MAPRE2: variants seen among roughly 807,000 people sequenced by gnomAD.
The protein encoded by MAPRE2 is microtubule-associated protein RP/EB family member 2.
Under a neutral mutation model 43.2 loss-of-function variants are expected in MAPRE2, and 13 were observed. The observed-to-expected ratio is 0.30, with a 90% confidence interval of 0.20 to 0.48. The LOEUF (loss-of-function observed/expected upper bound fraction) is 0.48, where lower values mean the gene tolerates loss of function less well. Among genes scored for constraint, MAPRE2 ranks in the 20% least tolerant of loss-of-function variants. The pLI is 0.99. For synonymous variants in MAPRE2, 135 were observed against 148.8 expected (o/e 0.91, Z 0.68); for missense variants, 161 against 400.2 (o/e 0.40, Z 5.10).
chr18:35,088,223 C>A (rs1448038584), intron 2 of MAPRE2, among the ~76,000 whole-genome samples: 1 of 152,170 alleles, frequency 6.6e-6, no homozygotes, highest in South Asian at 2.1e-4. Flanking sequence ...AAGGCTACTT[C>A]ATGTGGCATA....
At chr18:35,111,899 G>A (rs1173570022) in intron 4 of MAPRE2, among the ~76,000 whole-genome samples, 1 of 152,140 alleles carries the variant, frequency 6.6e-6, no homozygotes, top group African/African-American at 2.4e-5. Flanking sequence ...TGATGGTCTT[G>A]CTATCAAGAT....
chr18:35,094,386 A>G (rs574681291), intron 2 of MAPRE2, among the ~76,000 whole-genome samples: 1 of 152,330 alleles, frequency 6.6e-6, no homozygotes, highest in Admixed American at 6.5e-5. Flanking sequence ...AGGAGGGGAA[A>G]TTATTCTATA....
intron 2 of MAPRE2, among the ~76,000 whole-genome samples, chr18:35,015,842 C>T (rs939819618): frequency 1.3e-5 from 2 of 151,946 alleles, no homozygotes; most frequent in African/African-American, 4.8e-5. Flanking sequence ...TTGGGGTACA[C>T]ATGCAGTTTT....
chr18:34,982,359 T>A (rs1446491276), intron 1 of MAPRE2, among the ~76,000 whole-genome samples: 1 of 152,140 alleles, frequency 6.6e-6, no homozygotes, highest in Non-Finnish European at 1.5e-5. Flanking sequence ...CATAGAAATC[T>A]TAAATACCTA....
Position 35,102,179 on chromosome 18 carries a change from G to T in MAPRE2, c.610+20G>T. On this transcript the variant is annotated intron_variant, in intron 4 of 6. Coordinates refer to ENST00000300249, the MANE Select transcript of MAPRE2 (RefSeq NM_014268.4). ...CAGCAGGTATTGTCACAATGAGATT[G>T]CGGGAGTTGCTTTCATCTTTGATAA... 6.5e-7 allele frequency: 1 copy of T among 1,540,928 alleles called. No individual in the cohort carries two copies. Among genetic ancestry groups the T allele is most frequent in the Non-Finnish European group, 8.7e-7 (1 of 1,143,114 alleles).
chr18:35,059,887 A>T (rs1906433458), intron 1 of MAPRE2, among the ~76,000 whole-genome samples: 1 of 152,236 alleles, frequency 6.6e-6, no homozygotes, highest in Non-Finnish European at 1.5e-5. Context: ...TAGAAAAAGC[A>T]GACACCGAAG....
chr18:35,132,297 T>C (rs973706495), intron 6 of MAPRE2, 107 bp downstream of exon 6: 1 of 1,010,676 alleles, frequency 9.9e-7, no homozygotes, highest in East Asian at 2.6e-5. Flanking sequence ...CAATGAGAAT[T>C]ACTGCTCAGC....
chr18:35,042,774 C>A (rs1193806791), intron 1 of MAPRE2, among the ~76,000 whole-genome samples: 1 of 152,124 alleles, frequency 6.6e-6, no homozygotes, highest in African/African-American at 2.4e-5. Flanking sequence ...GGAAATAACT[C>A]TTTTTTTCCT....
At chr18:35,020,195 T>A (rs1370010129) in intron 2 of MAPRE2, among the ~76,000 whole-genome samples, 1 of 152,096 alleles carries the variant, frequency 6.6e-6, no homozygotes, top group East Asian at 1.9e-4. Flanking sequence ...AACATCAAAC[T>A]ACAGAAGGAA....
Position 35,054,622 on chromosome 18 carries a change from A to G in MAPRE2, c.122+12961A>G, listed in dbSNP as rs368203312. Among the ~76,000 whole-genome samples the G allele has an allele frequency of 7.4e-4, 113 of 152,314 alleles. No individual in the cohort carries two copies. The South Asian group carries it at 0.02, about 27-fold the overall frequency. On this transcript the variant is annotated intron_variant, in intron 1 of 6. Coordinates refer to ENST00000300249, the MANE Select transcript of MAPRE2 (RefSeq NM_014268.4). ...GAGGATGTGCCGTGAACGGAAGCCA[A>G]ATACTAATAGACAGGACATCCTGTG...
intron 1 of MAPRE2, among the ~76,000 whole-genome samples, chr18:34,984,768 T>A (rs1375789885): frequency 7.8e-6 from 1 of 128,976 alleles, no homozygotes; most frequent in Non-Finnish European, 1.6e-5. Context: ...ATACTATATA[T>A]AATAATATAT....
At chr18:35,007,507 A>T (rs1291776515) in intron 2 of MAPRE2, among the ~76,000 whole-genome samples, 2 of 152,206 alleles carry the variant, frequency 1.3e-5, no homozygotes, top group Non-Finnish European at 2.9e-5. Context: ...TGTTCAACTC[A>T]TTGTAGTGTG....
chr18:35,064,618 G>T (rs1348844884), intron 1 of MAPRE2, among the ~76,000 whole-genome samples: 2 of 152,168 alleles, frequency 1.3e-5, no homozygotes, highest in Non-Finnish European at 2.9e-5. Flanking sequence ...GTATTTTGTA[G>T]TTAAGCTTTA....
rs912975101 is a variant in MAPRE2 at position 35,141,692 on chromosome 18, A to G, written c.*1323A>G. The G allele has an allele frequency of 1.3e-5, 2 of 151,814 alleles. No individual in the cohort carries two copies. Among genetic ancestry groups the G allele is most frequent in the African/African-American group, 2.4e-5 (1 of 41,280 alleles). The allele number at this position is 151,814 out of a possible 1,614,324, so 9.4% of individuals were successfully genotyped here. On this transcript the variant is annotated 3_prime_UTR_variant, in exon 7 of 7. Transcript: ENST00000300249. ...TTATTTTTATTTTTTCCTTTGACAG[A>G]TGGTATCCCTTCCTGGATCATTCAT...
At chr18:34,999,780 G>T (rs1057442548) in intron 1 of MAPRE2, among the ~76,000 whole-genome samples, 5 of 152,068 alleles carry the variant, frequency 3.3e-5, no homozygotes, top group African/African-American at 9.7e-5. Flanking sequence ...TCCTTTACTT[G>T]CCAGATACGC....
chr18:35,017,759 T>G (rs986663080), intron 2 of MAPRE2, among the ~76,000 whole-genome samples: 6 of 151,692 alleles, frequency 4.0e-5, no homozygotes, highest in Non-Finnish European at 7.4e-5. Flanking sequence ...TGTAGAATTT[T>G]TATTATTCAT....
chr18:34,987,488 T>C (rs947059224), intron 1 of MAPRE2, among the ~76,000 whole-genome samples: 6 of 152,196 alleles, frequency 3.9e-5, no homozygotes, highest in Non-Finnish European at 8.8e-5. Context: ...AAATTGGTAT[T>C]TTTGTTTAAT....
chr18:35,034,682 C>G (rs1367366198), intron 2 of MAPRE2, among the ~76,000 whole-genome samples: 1 of 151,998 alleles, frequency 6.6e-6, no homozygotes, highest in African/African-American at 2.4e-5. Flanking sequence ...ACAAACAACC[C>G]CATCAAAAAG....
At position 35,054,032 on chromosome 18, in the gene MAPRE2, C is replaced by T. The variant is rs144367203; in HGVS notation, c.122+12371C>T. 2.5e-4 allele frequency among the ~76,000 whole-genome samples: 38 copies of T among 152,302 alleles called. No homozygotes were observed. The East Asian group carries it at 6.6e-3, about 26-fold the overall frequency. ...GCTTCCAAAATTTTGCCAAGAATAG[C>T]CAAAGCGTTGGATGCCCCCCTTTTA... On this transcript the variant is annotated intron_variant, in intron 1 of 6. Coordinates refer to ENST00000300249, the MANE Select transcript of MAPRE2 (RefSeq NM_014268.4).
Sources: gnomAD v4.1 joint callset for allele counts (sites outside exome capture counted in the v4.1 genomes callset) on GRCh38, gnomAD v4.1.1 for gene constraint, MANE v1.5 for transcripts, NCBI Gene and HGNC (gene_info 2026-07-23, HGNC 2026-07-21) for gene names.